HERC1: variants seen among roughly 807,000 people sequenced by gnomAD.
HERC1 encodes the protein probable E3 ubiquitin-protein ligase HERC1.
HERC1 carries 160 observed loss-of-function variants against 554.3 expected under a neutral mutation model. The ratio of observed to expected loss-of-function variants is 0.29; its 90% CI spans 0.25 to 0.33. The LOEUF is 0.33. HERC1 is among the 10% of genes least tolerant of loss of function. The probability of loss-of-function intolerance (pLI) is 1.00; values close to 1 mark genes in which losing one functional copy is unlikely to be tolerated. For missense variants in HERC1, 4,919 were observed against 5,918.5 expected (o/e 0.83, Z 5.54); for synonymous variants, 2,175 against 2,131.7 (o/e 1.02, Z -0.56).
chr15:63,760,514 T>A, intron 3 of HERC1, among the ~76,000 whole-genome samples: 1 of 140,874 alleles, frequency 7.1e-6, no homozygotes. Flanking sequence ...GTAACATAAC[T>A]CAAGAATTAG....
At chr15:63,717,807 G>A (rs1354907030) in intron 21 of HERC1, among the ~76,000 whole-genome samples, 1 of 152,200 alleles carries the variant, frequency 6.6e-6, no homozygotes, top group Middle Eastern at 3.2e-3. Context: ...GGGTGGTGGA[G>A]GTTGCAGTGA....
In HERC1 at chr15:63,718,763, GAT is replaced by G; in HGVS notation, c.3857+18_3857+19del. The G allele has an allele frequency of 6.2e-7, 1 of 1,606,386 alleles. No individual in the cohort carries two copies. Among genetic ancestry groups the G allele is most frequent in the Non-Finnish European group, 8.5e-7 (1 of 1,174,326 alleles). Reference sequence around the variant, plus strand: ...TCATGAGAGCAAATATTTGTCTGAGGATAGTTTTAAGTTACTTGCCGGCTTTC... The same window carrying G: ...TCATGAGAGCAAATATTTGTCTGAGGAGTTTTAAGTTACTTGCCGGCTTTC... On this transcript the variant is annotated intron_variant, in intron 20 of 77. Transcript: ENST00000443617. The surrounding 1 kb of genome is among the most constrained non-coding windows in gnomAD (Gnocchi z 4.2).
intron 70 of HERC1, 120 bp downstream of exon 70, chr15:63,628,557 G>A: frequency 6.7e-6 from 7 of 1,040,326 alleles, no homozygotes; most frequent in Non-Finnish European, 9.5e-6. Context: ...GCTTTGTGTG[G>A]CAGAAGGCTT....
Position 63,756,556 on chromosome 15 carries a change from C to A in HERC1, c.1414G>T (p.Ala472Ser). 27 of 1,613,916 alleles carry A rather than the reference C, an allele frequency of 1.7e-5. 1 individual carries two copies. The highest frequency in any genetic ancestry group is 2.3e-5 in the Non-Finnish European group (27 of 1,179,812). ...AAGACTTCTCCTTCTGTCGTAAAGG[C>A]TAAAGTGTGACCATCAGATCCTTTA... ...SSKGSDGHTL[A>S]FTTEGEVFSW... The change falls in exon 5 of 78, where the codon GCC becomes TCC. Residue 472 changes from alanine to serine, a missense_variant. By Grantham distance (99) the Ala-to-Ser change is moderately conservative (BLOSUM62 1). Transcript: ENST00000443617. This position sits in a 1 kb window ranked among gnomAD's most constrained non-coding sequence, Gnocchi z 5.0.
chr15:63,708,110 C>T (rs1230464705), intron 24 of HERC1, among the ~76,000 whole-genome samples: 1 of 151,994 alleles, frequency 6.6e-6, no homozygotes, highest in Non-Finnish European at 1.5e-5. Context: ...TATTCTTGGA[C>T]CATTTGGTGC....
chr15:63,829,561 G>GTATATA (rs60037018), intron 1 of HERC1, among the ~76,000 whole-genome samples: 60 of 81,712 alleles, frequency 7.3e-4, no homozygotes, highest in African/African-American at 1.6e-3. Flanking sequence ...GTGTGTGTGT[G>GTATATA]TATATATATA....
At chr15:63,679,750 T>C (rs2152995430) in intron 36 of HERC1, among the ~76,000 whole-genome samples, 1 of 152,336 alleles carries the variant, frequency 6.6e-6, no homozygotes, top group East Asian at 1.9e-4. Context: ...TAGCATCTTA[T>C]TACATTTAAA....
At position 63,749,656 on chromosome 15, in the gene HERC1, G is replaced by T; in HGVS notation, c.2038C>A (p.Leu680Ile). The T allele has an allele frequency of 6.3e-7, 1 of 1,599,392 alleles. No homozygotes were observed. Among genetic ancestry groups the T allele is most frequent in the Non-Finnish European group, 8.5e-7 (1 of 1,172,232 alleles). The change falls in exon 9 of 78, where the codon CTT becomes ATT. Residue 680 changes from leucine to isoleucine, a missense_variant. Leu to Ile is a conservative substitution (Grantham distance 5, BLOSUM62 2). Transcript: ENST00000443617. The surrounding 1 kb of genome is among the most constrained non-coding windows in gnomAD (Gnocchi z 4.1). ...VSIGDSHCLA[L>I]SHDNEVYAWG... ...AAACAAATGACTTTACCATGAGAAA[G>T]AGCCAAACAATGACTGTCTCCAATA... is the stretch of plus-strand genomic sequence containing the variant.
At chr15:63,744,110 C>CTGTGTGTGTGTGTGTGTGTGTGTGTG (rs142936354) in intron 12 of HERC1, among the ~76,000 whole-genome samples, 4 of 93,356 alleles carry the variant, frequency 4.3e-5, no homozygotes, top group Non-Finnish European at 7.9e-5. Context: ...CCCAAACAGA[C>CTGTGTGTGTGTGTGTGTGTGTGTGTG]TGTGTGTGTG....
intron 12 of HERC1, among the ~76,000 whole-genome samples, chr15:63,742,671 T>C (rs1302187176): frequency 6.6e-6 from 1 of 152,224 alleles, no homozygotes; most frequent in Non-Finnish European, 1.5e-5. Flanking sequence ...AATATTTTTA[T>C]CATGAAAGAA....
chr15:63,833,579 C>G (rs937080608), intron 1 of HERC1, among the ~76,000 whole-genome samples: 7 of 151,890 alleles, frequency 4.6e-5, no homozygotes, highest in African/African-American at 1.7e-4. Context: ...TGCTCCGAGG[C>G]GCCCGGGCGG....
At chr15:63,804,867 G>A (rs2077093225) in intron 1 of HERC1, among the ~76,000 whole-genome samples, 1 of 152,156 alleles carries the variant, frequency 6.6e-6, no homozygotes, top group Admixed American at 6.5e-5. Context: ...TAGGGAAATG[G>A]AAATTGAAAC....
chr15:63,615,063 A>G (rs942194146), intron 76 of HERC1, among the ~76,000 whole-genome samples: 4 of 152,240 alleles, frequency 2.6e-5, no homozygotes, highest in Non-Finnish European at 5.9e-5. Flanking sequence ...ATGTGAGGTC[A>G]TAAGACCAGC....
chr15:63,804,308 G>A (rs776955932), intron 1 of HERC1, among the ~76,000 whole-genome samples: 13 of 152,130 alleles, frequency 8.5e-5, no homozygotes, highest in Non-Finnish European at 1.8e-4. Context: ...ATTGCTAGCC[G>A]GGCACAGTGG....
chr15:63,616,376 T>C, intron 75 of HERC1, 54 bp downstream of exon 75: 1 of 1,548,686 alleles, frequency 6.5e-7, no homozygotes, highest in Non-Finnish European at 8.7e-7. Flanking sequence ...AAAATTCTAG[T>C]CTGTGCATAT....
At chr15:63,814,874 T>C (rs1377685822) in intron 1 of HERC1, among the ~76,000 whole-genome samples, 1 of 152,202 alleles carries the variant, frequency 6.6e-6, no homozygotes, top group Non-Finnish European at 1.5e-5. Flanking sequence ...GAGGATCAAA[T>C]AAGAATTCAT....
chr15:63,669,134 T>C (rs1212051735), intron 40 of HERC1, among the ~76,000 whole-genome samples: 4 of 152,126 alleles, frequency 2.6e-5, no homozygotes, highest in South Asian at 2.1e-4. Flanking sequence ...CCCCAAATAT[T>C]TGAAAACTAA....
At chr15:63,666,305 A>C in intron 41 of HERC1, 51 bp downstream of exon 41, 2 of 1,425,622 alleles carry the variant, frequency 1.4e-6, no homozygotes. Context: ...GTCTTTAATA[A>C]GCTAGGACTT....
intron 3 of HERC1, among the ~76,000 whole-genome samples, chr15:63,759,200 C>G (rs920404214): frequency 6.6e-6 from 1 of 152,056 alleles, no homozygotes; most frequent in Non-Finnish European, 1.5e-5. Context: ...ACATACTATA[C>G]CAAACTGCAT....
Sources: gnomAD v4.1 joint callset for allele counts (sites outside exome capture counted in the v4.1 genomes callset) on GRCh38, gnomAD v4.1.1 for gene constraint, Gnocchi (gnomAD v3.1) non-coding constraint, MANE v1.5 for transcripts, NCBI Gene and HGNC (gene_info 2026-07-23, HGNC 2026-07-21) for gene names.